The following ESR1 variants were observed in gnomAD, a reference collection of about 807,000 sequenced individuals.
The protein encoded by ESR1 is estrogen receptor 1.
Under a neutral mutation model 52.7 loss-of-function variants are expected in ESR1, and 12 were observed. The observed-to-expected ratio is 0.23, with a 90% CI of 0.15 to 0.37. The LOEUF (loss-of-function observed/expected upper bound fraction) is 0.37. Ranked by LOEUF, ESR1 falls within the 10% of genes least tolerant of loss-of-function variation. The pLI is 1.00. For synonymous variants in ESR1, 305 were observed against 316.8 expected, an observed-to-expected ratio of 0.96 and a Z score of 0.39; for missense variants, 584 against 779.7, an observed-to-expected ratio of 0.75 and a Z score of 2.99.
In ESR1 at chr6:151,836,834, T is replaced by A. The variant is rs1361444154; in HGVS notation, c.453-5763T>A. On this transcript the variant is annotated intron_variant, in intron 1 of 7. Transcript: ENST00000206249. ...AAACCACATTTCTAGGAAGTGGACA[T>A]CTATTTGTTGGTTCTTTAAATTTAG... is the stretch of plus-strand genomic sequence containing the variant. 4.6e-5 allele frequency among the ~76,000 whole-genome samples: 7 copies of A among 152,194 alleles called. No homozygotes were observed. The East Asian group carries it at 1.3e-3, about 29-fold the overall frequency.
At chr6:152,115,546 GTAGAC>G (rs1413067369) in intron 6 of ESR1, among the ~76,000 whole-genome samples, 1 of 152,122 alleles carries the variant, frequency 6.6e-6, no homozygotes, top group Non-Finnish European at 1.5e-5. Context: ...CCTTCTTAAT[GTAGAC>G]TAACTAGAAT....
intron 2 of ESR1, among the ~76,000 whole-genome samples, chr6:151,755,523 G>A (rs771516523): frequency 8.5e-5 from 13 of 152,164 alleles, no homozygotes; most frequent in Non-Finnish European, 1.6e-4. Flanking sequence ...TGGAGCCGCC[G>A]CAGAGCTGGT....
In ESR1 at chr6:152,119,708, C is replaced by G. The variant is rs72993681; in HGVS notation, c.851-5558C>G. On this transcript the variant is annotated intron_variant, in intron 6 of 6. Coordinates refer to the ESR1 transcript ENST00000427531. ...TCAGCAGCCATCAGTGTCCTTTTAT[C>G]TCCTTACTATTCTTTAAACCATCCC... Among the ~76,000 whole-genome samples the G allele has an allele frequency of 5.7e-3, 871 of 152,332 alleles. 5 individuals carry two copies. Among genetic ancestry groups the G allele is most frequent in the Middle Eastern group, 0.017 (5 of 294 alleles).
chr6:151,826,705 C>T (rs1407933603), intron 1 of ESR1, among the ~76,000 whole-genome samples: 3 of 152,208 alleles, frequency 2.0e-5, no homozygotes, highest in African/African-American at 7.2e-5. Context: ...CAGCTAACTT[C>T]ATGGGGTGGC....
chr6:151,975,372 T>C (rs1455600082), intron 4 of ESR1, among the ~76,000 whole-genome samples: 2 of 152,144 alleles, frequency 1.3e-5, no homozygotes, highest in South Asian at 2.1e-4. Flanking sequence ...GTTTTTTTTT[T>C]CTAATAAAAG....
intron 4 of ESR1, among the ~76,000 whole-genome samples, chr6:152,010,472 A>C (rs1452281428): frequency 6.6e-6 from 1 of 152,070 alleles, no homozygotes; most frequent in Non-Finnish European, 1.5e-5. Flanking sequence ...GTTGAGGGCA[A>C]AGAGAGAAGG....
chr6:152,051,844 T>C (rs2046706504), intron 5 of ESR1, among the ~76,000 whole-genome samples: 1 of 152,214 alleles, frequency 6.6e-6, no homozygotes, highest in Non-Finnish European at 1.5e-5. Flanking sequence ...GTTTTAAAAA[T>C]TATCTTCTGC....
Position 151,808,294 on chromosome 6 carries a change from G to T in ESR1, c.382G>T (p.Val128Leu), listed in dbSNP as rs1239187966. 1 of 1,580,908 alleles carries T rather than the reference G, an allele frequency of 6.3e-7. No homozygotes were observed. Reference sequence around the variant, plus strand: ...TTTCCTGCAGCCCCACGGCCAGCAGGTGCCCTACTACCTGGAGAACGAGCC... The same window carrying T: ...TTTCCTGCAGCCCCACGGCCAGCAGTTGCCCTACTACCTGGAGAACGAGCC... ...SPFLQPHGQQ[V>L]PYYLENEPSG... is the part of the protein sequence containing the mutation. The change falls in exon 1 of 8, where the codon GTG becomes TTG. Residue 128 changes from valine (V) to leucine (L), a missense_variant. Around this residue, in one of 6 missense-constraint regions of ESR1, gnomAD observed 251 missense variants for 246.1 expected, o/e 1.02. Coordinates refer to ENST00000206249, the MANE Select transcript of ESR1 (RefSeq NM_000125.4).
intron 2 of ESR1, among the ~76,000 whole-genome samples, chr6:151,755,144 A>G (rs1260772955): frequency 6.6e-6 from 1 of 150,738 alleles, no homozygotes; most frequent in Non-Finnish European, 1.5e-5. Context: ...TGAGAAGTTG[A>G]TTCTGCAGTA....
intron 2 of ESR1, among the ~76,000 whole-genome samples, chr6:151,767,437 C>T (rs1315231743): frequency 6.6e-6 from 1 of 151,968 alleles, no homozygotes; most frequent in Non-Finnish European, 1.5e-5. Context: ...GGTCTTAGAC[C>T]CCTTTGGCAG....
intron 2 of ESR1, among the ~76,000 whole-genome samples, chr6:151,794,288 A>G (rs1203589068): frequency 6.6e-6 from 1 of 152,196 alleles, no homozygotes; most frequent in Non-Finnish European, 1.5e-5. Flanking sequence ...CAGATCTAGT[A>G]GTTGTATTTA....
intron 2 of ESR1, among the ~76,000 whole-genome samples, chr6:151,717,662 G>A (rs973221506): frequency 2.0e-4 from 30 of 152,056 alleles, no homozygotes; most frequent in Admixed American, 7.2e-4. Flanking sequence ...GGCTGACCCC[G>A]GTGGTAGGGT....
At chr6:151,915,400 T>C (rs2128448099) in intron 3 of ESR1, among the ~76,000 whole-genome samples, 1 of 152,328 alleles carries the variant, frequency 6.6e-6, no homozygotes, top group East Asian at 1.9e-4. Flanking sequence ...TCTGAAATTA[T>C]AGCAACAGGA....
intron 5 of ESR1, among the ~76,000 whole-genome samples, chr6:152,047,614 G>A (rs1269398649): frequency 1.3e-5 from 2 of 152,078 alleles, no homozygotes; most frequent in Non-Finnish European, 2.9e-5. Context: ...GAGACTTAAG[G>A]AATTGCCCTG....
At chr6:152,106,867 A>G (rs924352280), downstream of ESR1, among the ~76,000 whole-genome samples, 2 of 152,156 alleles carry the variant, frequency 1.3e-5, no homozygotes, top group Non-Finnish European at 2.9e-5. Flanking sequence ...TGGCCTCCCA[A>G]GGTGCTGAGA....
At chr6:151,977,810 A>T (rs1312269936) in intron 4 of ESR1, among the ~76,000 whole-genome samples, 1 of 151,188 alleles carries the variant, frequency 6.6e-6, no homozygotes, top group South Asian at 2.1e-4. Flanking sequence ...TAATAATAAT[A>T]AAAAAAAGTG....
At chr6:151,782,217 G>C (rs764428130) in intron 2 of ESR1, among the ~76,000 whole-genome samples, 25 of 152,056 alleles carry the variant, frequency 1.6e-4, no homozygotes, top group Non-Finnish European at 3.5e-4. Context: ...ATGAAAAAAA[G>C]GAAGACATTT....
chr6:152,006,878 C>G (rs2042375264), intron 4 of ESR1, among the ~76,000 whole-genome samples: 1 of 152,022 alleles, frequency 6.6e-6, no homozygotes, highest in Non-Finnish European at 1.5e-5. Flanking sequence ...AACCAACCAC[C>G]TAGCTTTTTG....
chr6:151,692,815 G>A (rs866350325), intron 1 of ESR1, among the ~76,000 whole-genome samples: 33 of 152,282 alleles, frequency 2.2e-4, no homozygotes, highest in Middle Eastern at 6.8e-3. Flanking sequence ...TATCTAAGGC[G>A]TATAACATTT....
Sources: gnomAD v4.1 joint callset for allele counts (sites outside exome capture counted in the v4.1 genomes callset) on GRCh38, gnomAD v4.1.1 for gene constraint, gnomAD v4.1.1 regional missense constraint, MANE v1.5 for transcripts, NCBI Gene and HGNC (gene_info 2026-07-23, HGNC 2026-07-21) for gene names.